The following PTPRT variants were observed in gnomAD, a reference collection of about 807,000 sequenced individuals.
The protein encoded by PTPRT is receptor-type tyrosine-protein phosphatase T.
In PTPRT, 56 loss-of-function variants were observed where a neutral mutation model predicts 176.8. That is an observed-to-expected ratio of 0.32 (90% CI 0.26 to 0.40). The LOEUF (loss-of-function observed/expected upper bound fraction) is 0.40, where lower values mean the gene tolerates loss of function less well. Ranked by LOEUF, PTPRT falls within the 10% of genes least tolerant of loss-of-function variation. The probability of loss-of-function intolerance (pLI) is 1.00; values close to 1 mark genes in which losing one functional copy is unlikely to be tolerated. For synonymous variants in PTPRT, 783 were observed against 739.0 expected (o/e 1.06, Z -0.96); for missense variants, 1,540 against 1,908.2 (o/e 0.81, Z 3.60).
At chr20:42,343,819 G>A (rs2058147782) in intron 11 of PTPRT, among the ~76,000 whole-genome samples, 1 of 152,210 alleles carries the variant, frequency 6.6e-6, no homozygotes, top group South Asian at 2.1e-4. Flanking sequence ...TTGCAGCAGG[G>A]CTCAGAGAAA....
intron 7 of PTPRT, among the ~76,000 whole-genome samples, chr20:42,617,503 C>A (rs1470962938): frequency 7.4e-6 from 1 of 134,966 alleles, no homozygotes; most frequent in African/African-American, 3.4e-5. Flanking sequence ...GGAATAGCTT[C>A]AGAAGGAATG....
chr20:42,882,532 CAA>C (rs759451648), intron 2 of PTPRT, among the ~76,000 whole-genome samples: 5 of 152,122 alleles, frequency 3.3e-5, no homozygotes, highest in Non-Finnish European at 7.4e-5. Context: ...AGGATAGTAG[CAA>C]AGAGGAAAAT....
At chr20:42,777,399 C>CTG (rs2077153560) in intron 4 of PTPRT, among the ~76,000 whole-genome samples, 1 of 152,188 alleles carries the variant, frequency 6.6e-6, no homozygotes, top group African/African-American at 2.4e-5. Context: ...AATCACTAGA[C>CTG]TGTGAACTCC....
Position 42,287,619 on chromosome 20 carries a change from A to G in PTPRT, c.2140-5094T>C, listed in dbSNP as rs1431388863. Among the ~76,000 whole-genome samples, 5 of 151,888 alleles carry G rather than the reference A, an allele frequency of 3.3e-5. No individual in the cohort carries two copies. In the East Asian group the frequency reaches 7.7e-4, roughly 23 times the overall value. On this transcript the variant is annotated intron_variant, in intron 12 of 30. Coordinates refer to ENST00000373187, the MANE Select transcript of PTPRT (RefSeq NM_007050.6). ...GGAAAGATTTGTTGAAGGATACAAG[A>G]TTATACCTAGATAGAAGGAATAAGT...
At chr20:42,171,328 G>T (rs1468717688) in intron 16 of PTPRT, among the ~76,000 whole-genome samples, 1 of 152,022 alleles carries the variant, frequency 6.6e-6, no homozygotes, top group Non-Finnish European at 1.5e-5. Flanking sequence ...CAATAAATGT[G>T]AATCAAAACA....
intron 11 of PTPRT, among the ~76,000 whole-genome samples, chr20:42,340,574 G>A (rs1195454694): frequency 6.6e-6 from 1 of 152,192 alleles, no homozygotes; most frequent in Non-Finnish European, 1.5e-5. Context: ...TCAACAGCTG[G>A]AGCAGGCATC....
At chr20:42,156,195 T>G (rs111784411) in intron 17 of PTPRT, among the ~76,000 whole-genome samples, 1 of 152,186 alleles carries the variant, frequency 6.6e-6, no homozygotes, top group African/African-American at 2.4e-5. Flanking sequence ...GCTATTTACC[T>G]TTAGGCTGGG....
intron 5 of PTPRT, among the ~76,000 whole-genome samples, chr20:42,757,052 TAAAA>T (rs554308907): frequency 1.7e-5 from 2 of 118,606 alleles, no homozygotes; most frequent in African/African-American, 3.0e-5. Context: ...CCTGCCTCTT[TAAAA>T]AAAAAAAAAA....
intron 7 of PTPRT, among the ~76,000 whole-genome samples, chr20:42,635,270 T>C (rs554116138): frequency 1.3e-5 from 2 of 152,190 alleles, no homozygotes; most frequent in Admixed American, 1.3e-4. Context: ...TGAAAAATAA[T>C]AACTATGTAA....
intron 1 of PTPRT, among the ~76,000 whole-genome samples, chr20:43,086,202 G>A (rs532312532): frequency 2.0e-5 from 3 of 152,180 alleles, no homozygotes; most frequent in Non-Finnish European, 2.9e-5. Context: ...GGCATACAAG[G>A]GCCAACCAAC....
chr20:42,466,177 T>C (rs1339690452), intron 8 of PTPRT, among the ~76,000 whole-genome samples: 1 of 152,200 alleles, frequency 6.6e-6, no homozygotes, highest in African/African-American at 2.4e-5. Context: ...TTGGGTTGAC[T>C]CCATGTCTTT....
At chr20:43,165,157 CTTTT>C (rs575367224) in intron 1 of PTPRT, among the ~76,000 whole-genome samples, 1 of 136,828 alleles carries the variant, frequency 7.3e-6, no homozygotes. Context: ...TCTGCACATA[CTTTT>C]TTTTTTTTTT....
At chr20:42,406,207 C>T (rs528560605) in intron 9 of PTPRT, among the ~76,000 whole-genome samples, 8 of 151,178 alleles carry the variant, frequency 5.3e-5, no homozygotes, top group Admixed American at 2.6e-4. Flanking sequence ...TTCTTTTTAG[C>T]GAAGTAAACA....
At chr20:42,575,399 G>A (rs897493297) in intron 7 of PTPRT, among the ~76,000 whole-genome samples, 13 of 152,284 alleles carry the variant, frequency 8.5e-5, no homozygotes, top group South Asian at 2.1e-4. Flanking sequence ...GTTAAAAACC[G>A]GTAGAATGGC....
chr20:42,826,895 C>T (rs2078003221), intron 2 of PTPRT, among the ~76,000 whole-genome samples: 1 of 152,126 alleles, frequency 6.6e-6, no homozygotes, highest in South Asian at 2.1e-4. Context: ...TTAGAAAAAG[C>T]AGGGGTTGCA....
chr20:42,414,630 A>C (rs761043219), intron 9 of PTPRT, among the ~76,000 whole-genome samples: 1 of 152,244 alleles, frequency 6.6e-6, no homozygotes, highest in South Asian at 2.1e-4. Context: ...TGATCAGTTC[A>C]AAAATGTAAT....
chr20:43,035,924 T>C (rs1421378528), intron 1 of PTPRT, among the ~76,000 whole-genome samples: 2 of 152,142 alleles, frequency 1.3e-5, no homozygotes, highest in Non-Finnish European at 2.9e-5. Context: ...AAGCTGAGGA[T>C]GGAAAGGAGT....
At chr20:43,079,983 C>T (rs542167077) in intron 1 of PTPRT, among the ~76,000 whole-genome samples, 20 of 152,244 alleles carry the variant, frequency 1.3e-4, no homozygotes, top group African/African-American at 2.9e-4. Context: ...AGTAGGCTTT[C>T]GGAGAAAAGC....
rs542908423 is a variant in PTPRT, at chr20:42,833,957, T to C, written c.215-42491A>G. ...TTGTGGCCTTGGACTAGGCTAAAAA[T>C]TGTTAAATAAGACACGTCTTAGTGT... is the stretch of plus-strand genomic sequence containing the variant. On this transcript the variant is annotated intron_variant, in intron 2 of 30. Coordinates refer to ENST00000373187, the MANE Select transcript of PTPRT (RefSeq NM_007050.6). Among the ~76,000 whole-genome samples the C allele has an allele frequency of 2.0e-5, 3 of 152,246 alleles. No individual in the cohort carries two copies. In the East Asian group the frequency reaches 5.8e-4, roughly 29 times the overall value.
Sources: gnomAD v4.1 joint callset for allele counts (sites outside exome capture counted in the v4.1 genomes callset) on GRCh38, gnomAD v4.1.1 for gene constraint, MANE v1.5 for transcripts, NCBI Gene and HGNC (gene_info 2026-07-23, HGNC 2026-07-21) for gene names.